DIAPH3: variants seen among roughly 807,000 people sequenced by gnomAD.
The protein encoded by DIAPH3 is protein diaphanous homolog 3.
Under a neutral mutation model 144.3 loss-of-function variants are expected in DIAPH3, and 117 were observed. The observed-to-expected ratio is 0.81, with a 90% CI of 0.70 to 0.95. The LOEUF is 0.95. Among genes scored for constraint, DIAPH3 ranks in the 40% least tolerant of loss-of-function variants. The pLI is 0.00. For missense variants in DIAPH3, 1,421 were observed against 1,412.7 expected, an observed-to-expected ratio of 1.01 and a Z score of -0.09; for synonymous variants, 519 against 488.9, an observed-to-expected ratio of 1.06 and a Z score of -0.81.
At chr13:60,146,507 G>A (rs915211395) in intron 1 of DIAPH3, among the ~76,000 whole-genome samples, 1 of 152,208 alleles carries the variant, frequency 6.6e-6, no homozygotes, top group African/African-American at 2.4e-5. Context: ...AATTTGGAGA[G>A]AGAAATTCTA....
chr13:59,868,601 T>G (rs1299552519), intron 21 of DIAPH3, among the ~76,000 whole-genome samples: 1 of 152,300 alleles, frequency 6.6e-6, no homozygotes, highest in African/African-American at 2.4e-5. Context: ...TAAGGTTCTT[T>G]CTTTGTGTTC....
chr13:60,065,253 TAAAAAAA>T (rs11344639), intron 4 of DIAPH3, among the ~76,000 whole-genome samples: 1 of 88,312 alleles, frequency 1.1e-5, no homozygotes, highest in Non-Finnish European at 2.3e-5. Context: ...TTTAATTTAT[TAAAAAAA>T]AAAAAAAAAA....
chr13:59,750,623 G>C (rs1325774094), intron 27 of DIAPH3, among the ~76,000 whole-genome samples: 4 of 152,214 alleles, frequency 2.6e-5, no homozygotes. Context: ...ATTATAAGGA[G>C]AGGAGGGAGT....
Position 60,043,414 on chromosome 13 carries a change from G to A in DIAPH3, c.496-594C>T, listed in dbSNP as rs531154197. ...CAGATCAGGGAAGCTTGCAAAACAG[G>A]GCTACATCTTCCTGGTTTTTCTTTT... On this transcript the variant is annotated intron_variant, in intron 4 of 27. Transcript: ENST00000400324. Among the ~76,000 whole-genome samples, 31 of 152,208 alleles carry A rather than the reference G, an allele frequency of 2.0e-4. No individual in the cohort carries two copies. In the East Asian group the frequency reaches 5.8e-3, roughly 28 times the overall value.
intron 22 of DIAPH3, among the ~76,000 whole-genome samples, chr13:59,841,380 C>T (rs2042332313): frequency 6.6e-6 from 1 of 151,860 alleles, no homozygotes; most frequent in Admixed American, 6.6e-5. Context: ...AACTTGAAGC[C>T]AGGAGTTCAA....
intron 27 of DIAPH3, among the ~76,000 whole-genome samples, chr13:59,714,689 C>T (rs970732472): frequency 6.6e-6 from 1 of 152,046 alleles, no homozygotes; most frequent in African/African-American, 2.4e-5. Flanking sequence ...CTGTCTATAT[C>T]AGTTAGGATG....
intron 27 of DIAPH3, among the ~76,000 whole-genome samples, chr13:59,700,316 C>A (rs1226667963): frequency 6.6e-6 from 1 of 152,116 alleles, no homozygotes; most frequent in African/African-American, 2.4e-5. Context: ...CTGGTGGGGA[C>A]TTCCTGTTTG....
At chr13:59,887,655 C>T (rs756788674) in intron 20 of DIAPH3, among the ~76,000 whole-genome samples, 6 of 151,882 alleles carry the variant, frequency 4.0e-5, no homozygotes, top group African/African-American at 1.5e-4. Context: ...ATTTGATATG[C>T]GTTTAAAAAT....
intron 25 of DIAPH3, among the ~76,000 whole-genome samples, chr13:59,801,477 G>T (rs547620817): frequency 3.9e-5 from 6 of 152,136 alleles, no homozygotes; most frequent in Admixed American, 2.6e-4. Context: ...AGCACTAATA[G>T]TTTAAAAATA....
rs2041001257 is a variant in DIAPH3 at position 59,820,357 on chromosome 13, C to T, written c.3028-9434G>A. 2.0e-5 allele frequency among the ~76,000 whole-genome samples: 3 copies of T among 151,876 alleles called. No homozygotes were observed. The South Asian group carries it at 6.2e-4, about 31-fold the overall frequency. On this transcript the variant is annotated intron_variant, in intron 24 of 27. Coordinates refer to ENST00000400324, the MANE Select transcript of DIAPH3 (RefSeq NM_001042517.2). Reference sequence around the variant, plus strand: ...TAAATATGGAAGGCAAGATGTAGTTCTCAACCTCAAGTCTAGCTATTATAC... The same window carrying T: ...TAAATATGGAAGGCAAGATGTAGTTTTCAACCTCAAGTCTAGCTATTATAC...
chr13:59,996,745 G>C (rs413470), intron 9 of DIAPH3, among the ~76,000 whole-genome samples: 99,219 of 151,890 alleles, frequency 0.65, 33,068 homozygotes, highest in African/African-American at 0.74. Flanking sequence ...GGGGCAGAGC[G>C]AGTCAAAGGC....
chr13:60,046,868 A>G (rs544117243), intron 4 of DIAPH3, among the ~76,000 whole-genome samples: 4 of 152,152 alleles, frequency 2.6e-5, no homozygotes, highest in East Asian at 1.9e-4. Context: ...CAAACTAACA[A>G]CAAGAACAGA....
chr13:59,980,971 C>A, intron 13 of DIAPH3, 112 bp from the exon 14 acceptor site: 1 of 782,794 alleles, frequency 1.3e-6, no homozygotes. Context: ...CTGATACTAC[C>A]AGTAATAAAC....
chr13:59,816,170 GA>G (rs1278489539), intron 24 of DIAPH3, among the ~76,000 whole-genome samples: 2 of 151,924 alleles, frequency 1.3e-5, no homozygotes, highest in Admixed American at 6.6e-5. Context: ...ATTTGGACAG[GA>G]AGAATTTATC....
intron 2 of DIAPH3, among the ~76,000 whole-genome samples, chr13:60,124,329 G>A (rs9592018): frequency 0.31 from 47,040 of 152,018 alleles, 7,632 homozygotes; most frequent in Admixed American, 0.4. Flanking sequence ...GGCGCAGGCA[G>A]CAGTTGTTCT....
chr13:59,743,357 GACA>G (rs1227677595), intron 27 of DIAPH3, among the ~76,000 whole-genome samples: 2 of 152,166 alleles, frequency 1.3e-5, no homozygotes, highest in Admixed American at 1.3e-4. Flanking sequence ...CATGCTTGGT[GACA>G]AATGTGGTAT....
rs772686288 is a variant in DIAPH3, at chr13:60,015,972, C to T, written c.712G>A (p.Val238Ile). 6.2e-7 allele frequency: 1 copy of T among 1,613,240 alleles called. No homozygotes were observed. Among genetic ancestry groups the T allele is most frequent in the East Asian group, 2.2e-5 (1 of 44,778 alleles). Residue 238 changes from valine to isoleucine, a missense_variant, in exon 7 of 28, where the codon GTT becomes ATT. Physicochemically the swap from Val to Ile is conservative, Grantham distance 29. Coordinates refer to ENST00000400324, the MANE Select transcript of DIAPH3 (RefSeq NM_001042517.2). The part of the protein sequence containing the change: ...KLISGKIQEK[V>I]VKKNQHKVIQ... The stretch of plus-strand genomic sequence containing the variant: ...ACTTTATGTTGATTTTTCTTTACAA[C>T]TTTTTCTTGGCTGTATTGACATAAA...
intron 2 of DIAPH3, among the ~76,000 whole-genome samples, chr13:60,122,843 T>C (rs1174101435): frequency 6.6e-6 from 1 of 151,962 alleles, no homozygotes; most frequent in Non-Finnish European, 1.5e-5. Flanking sequence ...ACACATATCA[T>C]TGAAAAAAAA....
chr13:60,029,161 T>TA (rs58066157), intron 5 of DIAPH3, among the ~76,000 whole-genome samples: 36,751 of 150,268 alleles, frequency 0.24, 4,558 homozygotes, highest in East Asian at 0.39. Flanking sequence ...TTTGCTCAAG[T>TA]AAAAAAAAAA....
Sources: allele counts gnomAD v4.1 joint callset (sites outside exome capture counted in the v4.1 genomes callset), GRCh38; gene constraint gnomAD v4.1.1; transcripts MANE v1.5; gene names NCBI Gene and HGNC (gene_info 2026-07-23, HGNC 2026-07-21).